DLGAP1: variants seen among roughly 807,000 people sequenced by gnomAD.
DLGAP1 encodes disks large-associated protein 1.
In DLGAP1, 11 loss-of-function variants were observed where a neutral mutation model predicts 90.8. The ratio of observed to expected loss-of-function variants is 0.12; its 90% CI spans 0.08 to 0.20. The LOEUF (loss-of-function observed/expected upper bound fraction) is 0.20. Among genes scored for constraint, DLGAP1 ranks in the 10% least tolerant of loss-of-function variants. The probability of loss-of-function intolerance (pLI) is 1.00; values close to 1 mark genes in which losing one functional copy is unlikely to be tolerated. For missense variants in DLGAP1, 1,050 were observed against 1,333.8 expected (o/e 0.79, Z 3.31); for synonymous variants, 558 against 540.7 (o/e 1.03, Z -0.44).
chr18:4,424,154 A>G (rs1383894948), intron 1 of DLGAP1, among the ~76,000 whole-genome samples: 1 of 152,104 alleles, frequency 6.6e-6, no homozygotes, highest in Non-Finnish European at 1.5e-5. Flanking sequence ...CCATCTTAAA[A>G]AAAAATTTTT....
At chr18:3,827,895 T>C (rs1229126001) in intron 4 of DLGAP1, among the ~76,000 whole-genome samples, 2 of 152,208 alleles carry the variant, frequency 1.3e-5, no homozygotes, top group Admixed American at 6.5e-5. Flanking sequence ...TCTGCCACAT[T>C]CATTATTAAT....
In DLGAP1 at chr18:3,765,129, TC is replaced by T. The variant is rs1260823285; in HGVS notation, c.1173-22618del. 1.7e-3 allele frequency among the ~76,000 whole-genome samples: 216 copies of T among 129,144 alleles called. 12 individuals are homozygous for T. The highest frequency in any genetic ancestry group is 2.2e-3 in the Non-Finnish European group (144 of 64,700). 84.7% of individuals were successfully genotyped at this position (129,144 alleles called of 152,430 possible). A position where few individuals can be genotyped will look rare whatever the true frequency, so the allele number is the denominator to read the frequency against. ...GCACACTTGCAAACTTTTTTTTTTT[TC>T]TTTTTTTTTTTTTTTGAGACAGAGT... On this transcript the variant is annotated intron_variant, in intron 5 of 12. Coordinates refer to ENST00000315677, the MANE Select transcript of DLGAP1 (RefSeq NM_004746.4).
At chr18:3,919,458 T>C (rs950496916) in intron 3 of DLGAP1, among the ~76,000 whole-genome samples, 2 of 152,140 alleles carry the variant, frequency 1.3e-5, no homozygotes, top group African/African-American at 4.8e-5. Flanking sequence ...CATTTTGGAT[T>C]TATTGGATTG....
At chr18:3,794,010 A>G (rs1266575317) in intron 5 of DLGAP1, among the ~76,000 whole-genome samples, 1 of 152,230 alleles carries the variant, frequency 6.6e-6, no homozygotes, top group Non-Finnish European at 1.5e-5. Context: ...TGGTATCCCC[A>G]GTGTCCAGCA....
intron 1 of DLGAP1, among the ~76,000 whole-genome samples, chr18:4,419,231 C>T (rs11081110): frequency 0.062 from 9,405 of 152,194 alleles, 945 homozygotes; most frequent in African/African-American, 0.21. Context: ...CATTTACTAT[C>T]ATGAGAACAG....
chr18:4,359,043 T>A (rs1375894802), intron 1 of DLGAP1, among the ~76,000 whole-genome samples: 1 of 152,344 alleles, frequency 6.6e-6, no homozygotes, highest in South Asian at 2.1e-4. Context: ...AGCTTGGATG[T>A]TTTTCTTTTC....
At chr18:3,657,277 T>A (rs984835380) in intron 7 of DLGAP1, among the ~76,000 whole-genome samples, 1 of 152,226 alleles carries the variant, frequency 6.6e-6, no homozygotes. Flanking sequence ...TTCTTTTCAA[T>A]ACTGGTAAAT....
At chr18:3,616,835 G>C (rs1179260394) in intron 7 of DLGAP1, among the ~76,000 whole-genome samples, 2 of 152,092 alleles carry the variant, frequency 1.3e-5, no homozygotes, top group African/African-American at 4.8e-5. Context: ...AGAGGTTTGT[G>C]ATTTGCCTAT....
intron 7 of DLGAP1, among the ~76,000 whole-genome samples, chr18:3,585,659 T>C (rs2055834753): frequency 1.3e-5 from 2 of 152,164 alleles, no homozygotes; most frequent in Admixed American, 1.3e-4. Flanking sequence ...AACTGGACAG[T>C]GAGGCCAGGC....
chr18:3,574,779 TTTTTATTTTA>T lies in DLGAP1; in HGVS notation c.1965+7086_1965+7095del, dbSNP rs71366687. Among the ~76,000 whole-genome samples the T allele has an allele frequency of 4.8e-3, 671 of 140,966 alleles. 2 individuals are homozygous for T. Among genetic ancestry groups the T allele is most frequent in the African/African-American group, 0.013 (512 of 39,078 alleles). The allele number at this position is 140,966 out of a possible 152,430, so 92.5% of individuals were successfully genotyped here. Reference sequence around the variant, plus strand: ...AATTATGAATCCAAGATAATGTGCCTTTTTATTTTATTTTATTTTATTTTATTTTATTTTA... The same window carrying T: ...AATTATGAATCCAAGATAATGTGCCTTTTTATTTTATTTTATTTTATTTTA... On this transcript the variant is annotated intron_variant, in intron 8 of 12. Transcript: ENST00000315677.
At chr18:4,017,855 CT>C (rs34619561) in intron 2 of DLGAP1, among the ~76,000 whole-genome samples, 1,779 of 146,240 alleles carry the variant, frequency 0.012, 30 homozygotes, top group African/African-American at 0.038. Context: ...ATGTGCTATA[CT>C]TTTTTTTTTT....
intron 4 of DLGAP1, among the ~76,000 whole-genome samples, chr18:3,851,338 A>G (rs1376857248): frequency 2.0e-5 from 3 of 152,172 alleles, no homozygotes; most frequent in African/African-American, 7.2e-5. Flanking sequence ...TTCCCATGTG[A>G]CAGGCAGCCT....
Position 3,499,201 on chromosome 18 carries a change from G to A in DLGAP1, c.2918C>T (p.Ala973Val). 6.3e-7 allele frequency: 1 copy of A among 1,588,678 alleles called. No homozygotes were observed. Among genetic ancestry groups the A allele is most frequent in the Non-Finnish European group, 8.5e-7 (1 of 1,171,832 alleles). The change falls in exon 13 of 13, where the codon GCG (alanine) becomes GTG (valine). Residue 973 changes from alanine (A) to valine (V), a missense_variant. Transcript: ENST00000315677. The surrounding 1 kb of genome is among the most constrained non-coding windows in gnomAD (Gnocchi z 6.4). ...AESIEIYIPE[A>V]QTRL ...GCGGGGCGCTCAGAGCCGGGTCTGC[G>A]CCTCGGGGATGTAGATCTCGATGCT...
intron 4 of DLGAP1, among the ~76,000 whole-genome samples, chr18:3,837,981 T>C (rs1425467730): frequency 1.3e-5 from 2 of 151,294 alleles, no homozygotes; most frequent in Non-Finnish European, 2.9e-5. Flanking sequence ...ATATTACTAA[T>C]GGATGGCATC....
intron 7 of DLGAP1, among the ~76,000 whole-genome samples, chr18:3,695,166 T>C (rs1397074615): frequency 6.6e-6 from 1 of 151,980 alleles, no homozygotes; most frequent in African/African-American, 2.4e-5. Flanking sequence ...GGATGGTCTC[T>C]ATCCCCTGAC....
intron 7 of DLGAP1, among the ~76,000 whole-genome samples, chr18:3,714,570 C>T (rs1159055127): frequency 6.6e-6 from 1 of 151,764 alleles, no homozygotes; most frequent in Non-Finnish European, 1.5e-5. Context: ...TTGAAAGCCT[C>T]CTGTTGCACA....
intron 9 of DLGAP1, among the ~76,000 whole-genome samples, chr18:3,555,209 T>A (rs933423426): frequency 6.6e-6 from 1 of 152,182 alleles, no homozygotes; most frequent in African/African-American, 2.4e-5. Flanking sequence ...TGGATTTCTT[T>A]TGGAGAGGTT....
chr18:4,199,562 A>G (rs1049311405), intron 1 of DLGAP1, among the ~76,000 whole-genome samples: 3 of 152,176 alleles, frequency 2.0e-5, no homozygotes, highest in African/African-American at 7.2e-5. Flanking sequence ...GCATATGTGA[A>G]CTGGGGAAAC....
intron 7 of DLGAP1, among the ~76,000 whole-genome samples, chr18:3,703,004 T>C (rs2061330124): frequency 6.6e-6 from 1 of 152,002 alleles, no homozygotes; most frequent in Non-Finnish European, 1.5e-5. Flanking sequence ...GTCTCTGGAG[T>C]GTTCTCAATT....
Sources: allele counts gnomAD v4.1 joint callset (sites outside exome capture counted in the v4.1 genomes callset), GRCh38; gene constraint gnomAD v4.1.1; non-coding constraint Gnocchi (gnomAD v3.1); transcripts MANE v1.5; gene names NCBI Gene and HGNC (gene_info 2026-07-23, HGNC 2026-07-21).